XKR9: variants seen among roughly 807,000 people sequenced by gnomAD.
The protein encoded by XKR9 is XK-related protein 9.
In XKR9, 32 loss-of-function variants were observed where a neutral mutation model predicts 32.0. The observed-to-expected ratio is 1.00, with a 90% confidence interval of 0.76 to 1.34. The LOEUF (loss-of-function observed/expected upper bound fraction) is 1.34. XKR9 is among the 40% of genes most tolerant of loss of function. The pLI, the probability that XKR9 is intolerant of heterozygous loss-of-function variation, is 0.00. For missense variants in XKR9, 546 were observed against 429.7 expected (o/e 1.27, Z -2.39); for synonymous variants, 168 against 143.4 (o/e 1.17, Z -1.22).
chr8:70,824,727 A>ATTTTACCCT, the XKR9 span, among the ~76,000 whole-genome samples: 1 of 152,062 alleles, frequency 6.6e-6, no homozygotes, highest in Non-Finnish European at 1.5e-5. Context: ...CCCTAGGAAC[A>ATTTTACCCT]TTGGGAAGGG....
the XKR9 span, among the ~76,000 whole-genome samples, chr8:70,809,871 A>G: frequency 6.6e-6 from 1 of 152,232 alleles, no homozygotes; most frequent in East Asian, 1.9e-4. Flanking sequence ...ACTCTGCAGG[A>G]TATTATCCAG....
the XKR9 span, among the ~76,000 whole-genome samples, chr8:70,815,242 G>T: frequency 6.6e-6 from 1 of 152,068 alleles, no homozygotes; most frequent in Non-Finnish European, 1.5e-5. Flanking sequence ...ATGGGGGTTT[G>T]TTGTACAGAT....
chr8:70,676,626 A>G (rs555383768), intron 2 of XKR9, among the ~76,000 whole-genome samples: 70 of 152,228 alleles, frequency 4.6e-4, no homozygotes, highest in Non-Finnish European at 5.9e-4. Context: ...ATATTACCAT[A>G]TTAGATTAAT....
chr8:70,810,631 G>T, the XKR9 span, among the ~76,000 whole-genome samples: 2 of 152,122 alleles, frequency 1.3e-5, no homozygotes, highest in Non-Finnish European at 2.9e-5. Context: ...AAAGGCAGGG[G>T]TTGTAATCCT....
At chr8:70,829,178 AC>A in the XKR9 span, among the ~76,000 whole-genome samples, 1 of 152,238 alleles carries the variant, frequency 6.6e-6, no homozygotes, top group Non-Finnish European at 1.5e-5. Context: ...TCTGTACTTA[AC>A]AAATGTGTGA....
chr8:70,751,670 T>G (rs997480255), intron 2 of XKR9, among the ~76,000 whole-genome samples: 4 of 152,118 alleles, frequency 2.6e-5, no homozygotes, highest in Admixed American at 2.6e-4. Flanking sequence ...AGCTGAGACA[T>G]CTACCTCCTC....
chr8:71,041,121 T>C, the XKR9 span, among the ~76,000 whole-genome samples: 1 of 152,154 alleles, frequency 6.6e-6, no homozygotes, highest in African/African-American at 2.4e-5. Flanking sequence ...TCATAGTCTG[T>C]GTAAAGAAAA....
the XKR9 span, among the ~76,000 whole-genome samples, chr8:70,984,531 T>G: frequency 6.6e-6 from 1 of 152,332 alleles, no homozygotes; most frequent in East Asian, 1.9e-4. Context: ...CTCTAAGCAG[T>G]TTCTGCTATC....
the XKR9 span, among the ~76,000 whole-genome samples, chr8:71,017,179 G>A: frequency 6.6e-6 from 1 of 152,164 alleles, no homozygotes; most frequent in African/African-American, 2.4e-5. Flanking sequence ...TGGAAACCAG[G>A]GAGTGGGAAT....
the XKR9 span, among the ~76,000 whole-genome samples, chr8:70,880,268 G>T: frequency 1.3e-5 from 2 of 152,210 alleles, no homozygotes; most frequent in Non-Finnish European, 2.9e-5. Flanking sequence ...TGGAAGTTCT[G>T]GCCAGGGCAA....
chr8:71,008,961 A>G, the XKR9 span, among the ~76,000 whole-genome samples: 1 of 152,172 alleles, frequency 6.6e-6, no homozygotes, highest in African/African-American at 2.4e-5. Context: ...GTGCCACTGC[A>G]CCAGGCCTAA....
the XKR9 span, among the ~76,000 whole-genome samples, chr8:70,832,742 A>G: frequency 3.4e-4 from 52 of 152,220 alleles, no homozygotes; most frequent in Non-Finnish European, 6.0e-4. Flanking sequence ...GAGGTTTAGA[A>G]TGGTTAATAA....
the XKR9 span, among the ~76,000 whole-genome samples, chr8:70,819,445 C>T: frequency 6.6e-6 from 1 of 152,142 alleles, no homozygotes; most frequent in Non-Finnish European, 1.5e-5. Flanking sequence ...GTGTTTCCAC[C>T]AATGTGTCCA....
chr8:71,024,429 G>A, the XKR9 span, among the ~76,000 whole-genome samples: 1 of 152,130 alleles, frequency 6.6e-6, no homozygotes, highest in African/African-American at 2.4e-5. Flanking sequence ...GGATGTTGGG[G>A]GATGTCATTG....
At chr8:70,801,806 T>C in the XKR9 span, among the ~76,000 whole-genome samples, 1 of 152,196 alleles carries the variant, frequency 6.6e-6, no homozygotes, top group South Asian at 2.1e-4. Flanking sequence ...AGTCTATTCA[T>C]AGGTCTCTAA....
At chr8:70,751,487 G>A (rs772253345) in intron 2 of XKR9, among the ~76,000 whole-genome samples, 5 of 152,162 alleles carry the variant, frequency 3.3e-5, no homozygotes, top group Non-Finnish European at 7.4e-5. Context: ...ACCTGGTAAA[G>A]CATTATTTCT....
chr8:70,937,779 T>C, the XKR9 span, among the ~76,000 whole-genome samples: 8 of 152,098 alleles, frequency 5.3e-5, no homozygotes, highest in East Asian at 1.9e-4. Context: ...TCTGACTACA[T>C]GTCCAGGGCT....
At chr8:70,792,200 TA>T (rs1807772703), downstream of XKR9, among the ~76,000 whole-genome samples, 1 of 152,144 alleles carries the variant, frequency 6.6e-6, no homozygotes, top group African/African-American at 2.4e-5. Flanking sequence ...TTAACACTAA[TA>T]GACTCTTTTT....
At chr8:70,843,038 G>A in the XKR9 span, among the ~76,000 whole-genome samples, 7 of 152,154 alleles carry the variant, frequency 4.6e-5, no homozygotes, top group Admixed American at 2.0e-4. Flanking sequence ...CGGGATGCAC[G>A]CCCATGACTT....
Sources: gnomAD v4.1 joint callset for allele counts (sites outside exome capture counted in the v4.1 genomes callset) on GRCh38, gnomAD v4.1.1 for gene constraint, MANE v1.5 for transcripts, NCBI Gene and HGNC (gene_info 2026-07-23, HGNC 2026-07-21) for gene names.